Variants in ATE1 observed in about 807,000 individuals in gnomAD.
The protein encoded by ATE1 is arginyltransferase 1, also known as arginyl-tRNA--protein transferase 1.
Under a neutral mutation model 70.5 loss-of-function variants are expected in ATE1, and 36 were observed. The ratio of observed to expected loss-of-function variants is 0.51; its 90% CI spans 0.39 to 0.67. The LOEUF is 0.67. Among genes scored for constraint, ATE1 ranks in the 30% least tolerant of loss-of-function variants. The probability of loss-of-function intolerance (pLI) is 0.00; values close to 1 mark genes in which losing one functional copy is unlikely to be tolerated. For missense variants in ATE1, 593 were observed against 629.5 expected (o/e 0.94, Z 0.62); for synonymous variants, 232 against 219.3 (o/e 1.06, Z -0.51).
chr10:121,888,670 G>A (rs1056255128), intron 7 of ATE1, among the ~76,000 whole-genome samples: 2 of 148,626 alleles, frequency 1.3e-5, no homozygotes, highest in African/African-American at 4.9e-5. Flanking sequence ...TTTACCAAAA[G>A]GTATGTATAA....
intron 11 of ATE1, among the ~76,000 whole-genome samples, chr10:121,787,553 G>GA (rs1012675763): frequency 1.6e-4 from 25 of 152,146 alleles, no homozygotes; most frequent in Admixed American, 1.5e-3. Flanking sequence ...TTCAGCATAT[G>GA]AAAAAAAGAT....
chr10:121,837,314 C>A (rs1375488544), intron 9 of ATE1, among the ~76,000 whole-genome samples: 1 of 152,146 alleles, frequency 6.6e-6, no homozygotes, highest in Non-Finnish European at 1.5e-5. Context: ...TATTTATTTC[C>A]CCTAAAACTA....
chr10:121,908,823 C>T (rs1015113435), intron 5 of ATE1, among the ~76,000 whole-genome samples: 26 of 152,172 alleles, frequency 1.7e-4, no homozygotes, highest in African/African-American at 6.3e-4. Flanking sequence ...GAAAATTTAG[C>T]CTAGAATCTG....
At chr10:121,826,082 A>T (rs538773174) in intron 10 of ATE1, among the ~76,000 whole-genome samples, 107 of 152,356 alleles carry the variant, frequency 7.0e-4, no homozygotes, top group Middle Eastern at 3.4e-3. Flanking sequence ...GACAAATGCT[A>T]TGATTCCACT....
At chr10:121,911,232 T>C in intron 4 of ATE1, 81 bp from the exon 5 acceptor site, 1 of 1,495,746 alleles carries the variant, frequency 6.7e-7, no homozygotes, top group Non-Finnish European at 9.0e-7. Flanking sequence ...AATGTTCCTA[T>C]TATCCATTGT....
At chr10:121,751,824 AAT>A (rs1944589536) in intron 11 of ATE1, among the ~76,000 whole-genome samples, 1 of 152,130 alleles carries the variant, frequency 6.6e-6, no homozygotes, top group African/African-American at 2.4e-5. Context: ...CCAATTTATC[AAT>A]TTTTTTTCTT....
intron 8 of ATE1, among the ~76,000 whole-genome samples, chr10:121,859,556 T>A (rs1453749621): frequency 1.3e-5 from 2 of 152,184 alleles, no homozygotes; most frequent in African/African-American, 4.8e-5. Context: ...AGTTATTATT[T>A]TATTAAGAGA....
In ATE1 at chr10:121,917,163, C is replaced by CA. The variant is rs1378494697; in HGVS notation, c.234-3271dup. 3.9e-3 allele frequency among the ~76,000 whole-genome samples: 570 copies of CA among 146,600 alleles called. 4 individuals carry two copies. Among genetic ancestry groups the CA allele is most frequent in the African/African-American group, 0.011 (433 of 40,164 alleles). On this transcript the variant is annotated intron_variant, in intron 3 of 11. Coordinates refer to ENST00000224652, the MANE Select transcript of ATE1 (RefSeq NM_001001976.3). ...GGGCAACAACAGCAAAACTCCATCT[C>CA]AAAAAAAAAAATAGCCCAGGCTGAC... is the stretch of plus-strand genomic sequence containing the variant.
At chr10:121,800,885 T>C (rs1227599581) in intron 10 of ATE1, among the ~76,000 whole-genome samples, 1 of 152,130 alleles carries the variant, frequency 6.6e-6, no homozygotes, top group Non-Finnish European at 1.5e-5. Context: ...AACCCAGTCT[T>C]TCCCCTGAAA....
chr10:121,792,876 A>G (rs1270587147), intron 10 of ATE1, among the ~76,000 whole-genome samples: 2 of 152,248 alleles, frequency 1.3e-5, no homozygotes, highest in African/African-American at 4.8e-5. Flanking sequence ...CTGGGAGTAT[A>G]GAAGTTTTCT....
Position 121,841,249 on chromosome 10 carries a change from AG to A in ATE1, c.989del (p.Pro330LeufsTer26). 2.0e-6 allele frequency: 3 copies of A among 1,515,114 alleles called. No homozygotes were observed. The highest frequency in any genetic ancestry group is 1.8e-6 in the Non-Finnish European group (2 of 1,123,982). The allele number at this position is 1,515,114 out of a possible 1,614,324, so 93.9% of individuals were successfully genotyped here. A position where few individuals can be genotyped will look rare whatever the true frequency, so the allele number is the denominator to read the frequency against. On this transcript the variant is annotated frameshift_variant, in exon 9 of 12. Transcript: ENST00000224652. LOFTEE classifies it high-confidence loss of function. ...CSSPLEAETP[P>X]NGPDCGYGSF... ...AGCCATAGCCACAATCTGGCCCATTAGGGGGAGTCTCTGCCTAAGAAAAAGC... is the reference window on the plus strand; with the variant it reads ...AGCCATAGCCACAATCTGGCCCATTAGGGGAGTCTCTGCCTAAGAAAAAGC...
chr10:121,865,125 G>A (rs1949617608), intron 8 of ATE1, among the ~76,000 whole-genome samples: 2 of 152,106 alleles, frequency 1.3e-5, no homozygotes, highest in South Asian at 4.2e-4. Context: ...GTGATATTGA[G>A]CACCTACCTA....
At chr10:121,759,805 C>G (rs7905056) in intron 11 of ATE1, among the ~76,000 whole-genome samples, 124,103 of 151,856 alleles carry the variant, frequency 0.82, 51,139 homozygotes, top group Non-Finnish European at 0.88. Context: ...AAGATCTAGC[C>G]AAGATCATCA....
At chr10:121,839,545 G>A (rs565617844) in intron 9 of ATE1, among the ~76,000 whole-genome samples, 20 of 152,128 alleles carry the variant, frequency 1.3e-4, no homozygotes, top group Admixed American at 5.2e-4. Context: ...TGTAATAATG[G>A]CAAAATCTAA....
At chr10:121,878,655 T>A (rs1590607383) in intron 7 of ATE1, among the ~76,000 whole-genome samples, 1 of 151,892 alleles carries the variant, frequency 6.6e-6, no homozygotes. Flanking sequence ...TTTATGCACT[T>A]TACTACACTA....
chr10:121,836,232 A>C (rs539503211), intron 10 of ATE1, among the ~76,000 whole-genome samples: 7 of 152,296 alleles, frequency 4.6e-5, no homozygotes, highest in African/African-American at 1.7e-4. Flanking sequence ...AGACCACTGT[A>C]TACCCTGGTT....
At chr10:121,824,816 A>G (rs1350224746) in intron 10 of ATE1, among the ~76,000 whole-genome samples, 1 of 152,196 alleles carries the variant, frequency 6.6e-6, no homozygotes, top group Non-Finnish European at 1.5e-5. Flanking sequence ...AATTATGCCT[A>G]ACAACATTTC....
At chr10:121,801,650 C>T (rs1301971785) in intron 10 of ATE1, among the ~76,000 whole-genome samples, 5 of 152,110 alleles carry the variant, frequency 3.3e-5, no homozygotes, top group African/African-American at 1.2e-4. Flanking sequence ...ATAAATTTGG[C>T]ATTCACCATG....
chr10:121,896,152 C>T (rs1950772761), intron 7 of ATE1, among the ~76,000 whole-genome samples: 1 of 152,084 alleles, frequency 6.6e-6, no homozygotes, highest in Non-Finnish European at 1.5e-5. Context: ...CTCATATTTC[C>T]TGTGAACTGG....
Sources: gnomAD v4.1 joint callset for allele counts (sites outside exome capture counted in the v4.1 genomes callset) on GRCh38, gnomAD v4.1.1 for gene constraint, MANE v1.5 for transcripts, NCBI Gene and HGNC (gene_info 2026-07-23, HGNC 2026-07-21) for gene names.